The following C12orf54 variants were observed in gnomAD, a reference collection of about 807,000 sequenced individuals.
The protein encoded by C12orf54 is chromosome 12 open reading frame 54.
C12orf54 carries 24 observed loss-of-function variants against 26.4 expected under a neutral mutation model. The ratio of observed to expected loss-of-function variants is 0.91; its 90% CI spans 0.66 to 1.28. The LOEUF (loss-of-function observed/expected upper bound fraction) is 1.28, where lower values mean the gene tolerates loss of function less well. C12orf54 is among the 50% of genes most tolerant of loss of function. The probability of loss-of-function intolerance (pLI) is 0.00; values close to 1 mark genes in which losing one functional copy is unlikely to be tolerated. For synonymous variants in C12orf54, 54 were observed against 47.0 expected (o/e 1.15, Z -0.61); for missense variants, 154 against 150.9 (o/e 1.02, Z -0.11).
chr12:48,472,223 CA>C, the C12orf54 span, among the ~76,000 whole-genome samples: 4 of 152,136 alleles, frequency 2.6e-5, no homozygotes, highest in South Asian at 2.1e-4. Flanking sequence ...AACTGTTTAT[CA>C]GCTCTATTAA....
chr12:48,449,380 T>C, the C12orf54 span, among the ~76,000 whole-genome samples: 4 of 152,334 alleles, frequency 2.6e-5, no homozygotes, highest in African/African-American at 9.6e-5. Context: ...TAAAATACTT[T>C]CGTTTTCTTT....
chr12:48,476,698 A>G, the C12orf54 span, among the ~76,000 whole-genome samples: 1 of 150,948 alleles, frequency 6.6e-6, no homozygotes, highest in Non-Finnish European at 1.5e-5. Flanking sequence ...AGAGCTAACT[A>G]TCCTAAATAT....
chr12:48,487,944 AG>A (rs1309739273), intron 4 of C12orf54: 1 of 679,064 alleles, frequency 1.5e-6, no homozygotes, highest in African/African-American at 1.7e-5. Context: ...ATAGCCGCTG[AG>A]ATGTTGATAC....
the C12orf54 span, among the ~76,000 whole-genome samples, chr12:48,416,534 C>A: frequency 6.6e-6 from 1 of 152,146 alleles, no homozygotes; most frequent in Admixed American, 6.5e-5. Flanking sequence ...CATTGTATCA[C>A]CATTAAGAGG....
chr12:48,486,507 A>G (rs544504612), intron 3 of C12orf54, 181 bp from the exon 4 acceptor site: 29 of 664,410 alleles, frequency 4.4e-5, no homozygotes, highest in South Asian at 2.6e-4. Context: ...AGCAGGATAT[A>G]TGGGATGAAA....
At chr12:48,433,201 A>G in the C12orf54 span, among the ~76,000 whole-genome samples, 9 of 152,220 alleles carry the variant, frequency 5.9e-5, no homozygotes, top group Non-Finnish European at 1.2e-4. Flanking sequence ...TGAATGAAAG[A>G]AAATGTTGCC....
At chr12:48,472,953 G>T in the C12orf54 span, 1 of 1,614,078 alleles carries the variant, frequency 6.2e-7, no homozygotes, top group Admixed American at 1.7e-5. Context: ...AAATTTAAGT[G>T]GCAACAAAAT....
chr12:48,474,429 G>A, the C12orf54 span, among the ~76,000 whole-genome samples: 12 of 152,306 alleles, frequency 7.9e-5, no homozygotes, highest in African/African-American at 2.2e-4. Flanking sequence ...TGCATGACCC[G>A]AAGCAGGGCG....
the C12orf54 span, among the ~76,000 whole-genome samples, chr12:48,423,087 A>T: frequency 6.6e-6 from 1 of 152,168 alleles, no homozygotes; most frequent in Non-Finnish European, 1.5e-5. Context: ...GTGTATTCAT[A>T]ACATAAAACA....
the C12orf54 span, among the ~76,000 whole-genome samples, chr12:48,477,303 T>C: frequency 6.6e-6 from 1 of 152,072 alleles, no homozygotes; most frequent in African/African-American, 2.4e-5. Flanking sequence ...AGGAAAGATC[T>C]AAAATTGACA....
chr12:48,434,938 A>G, the C12orf54 span, among the ~76,000 whole-genome samples: 1 of 152,238 alleles, frequency 6.6e-6, no homozygotes, highest in Non-Finnish European at 1.5e-5. Context: ...TGAGAGAAGA[A>G]AGCTTCAGAA....
chr12:48,436,947 A>T, the C12orf54 span, among the ~76,000 whole-genome samples: 2 of 152,224 alleles, frequency 1.3e-5, no homozygotes, highest in Admixed American at 1.3e-4. Flanking sequence ...AAACCCTTCA[A>T]AAAATCAATG....
chr12:48,420,823 A>G, the C12orf54 span, among the ~76,000 whole-genome samples: 2 of 152,162 alleles, frequency 1.3e-5, no homozygotes, highest in Non-Finnish European at 2.9e-5. Context: ...TGCTATTGCT[A>G]TAGTCTTGAA....
intron 7 of C12orf54, 79 bp downstream of exon 7, chr12:48,493,074 A>G (rs1937827240): frequency 1.5e-6 from 2 of 1,325,144 alleles, no homozygotes; most frequent in Non-Finnish European, 1.1e-6. Context: ...GAATATAGCT[A>G]GCTCTGAGCC....
chr12:48,492,254 C>T (rs1480004133), intron 6 of C12orf54, among the ~76,000 whole-genome samples: 1 of 152,156 alleles, frequency 6.6e-6, no homozygotes, highest in Non-Finnish European at 1.5e-5. Context: ...AGAGAAGACT[C>T]CCTCTGATCT....
At chr12:48,432,605 C>A in the C12orf54 span, among the ~76,000 whole-genome samples, 1 of 152,244 alleles carries the variant, frequency 6.6e-6, no homozygotes, top group Non-Finnish European at 1.5e-5. Context: ...CACACTGGCT[C>A]ATGCCTGTAA....
chr12:48,485,864 A>G (rs868244988), intron 2 of C12orf54, among the ~76,000 whole-genome samples: 2 of 152,194 alleles, frequency 1.3e-5, no homozygotes, highest in South Asian at 4.1e-4. Flanking sequence ...AAGGGTAGAG[A>G]GTGGACATAA....
chr12:48,463,350 T>A, the C12orf54 span, among the ~76,000 whole-genome samples: 5 of 151,880 alleles, frequency 3.3e-5, no homozygotes, highest in Non-Finnish European at 7.4e-5. Context: ...CCTGGACACA[T>A]ACACCCTCCC....
chr12:48,425,997 T>G, the C12orf54 span, among the ~76,000 whole-genome samples: 1 of 151,318 alleles, frequency 6.6e-6, no homozygotes, highest in African/African-American at 2.4e-5. Flanking sequence ...CTTTGTCAGA[T>G]GTATAGCTTG....
Sources: gnomAD v4.1 joint callset for allele counts (sites outside exome capture counted in the v4.1 genomes callset) on GRCh38, gnomAD v4.1.1 for gene constraint, MANE v1.5 for transcripts, NCBI Gene and HGNC (gene_info 2026-07-23, HGNC 2026-07-21) for gene names.